TRIM67: variants seen among roughly 807,000 people sequenced by gnomAD.
TRIM67 encodes tripartite motif containing 67, also known as tripartite motif-containing protein 67.
A neutral mutation model predicts 71.0 loss-of-function variants in TRIM67; 39 were observed. The ratio of observed to expected loss-of-function variants is 0.55; its 90% CI spans 0.43 to 0.72. The LOEUF (loss-of-function observed/expected upper bound fraction) is 0.72. Among genes scored for constraint, TRIM67 ranks in the 30% least tolerant of loss-of-function variants. The pLI, the probability that TRIM67 is intolerant of heterozygous loss-of-function variation, is 0.00. For synonymous variants in TRIM67, 481 were observed against 473.9 expected, an observed-to-expected ratio of 1.01 and a Z score of -0.19; for missense variants, 973 against 1,079.2, an observed-to-expected ratio of 0.90 and a Z score of 1.38.
In TRIM67 at chr1:231,216,843, C is replaced by T; in HGVS notation, c.*1403C>T. 1.0e-6 allele frequency: 1 copy of T among 985,138 alleles called. No homozygotes were observed. Among genetic ancestry groups the T allele is most frequent in the African/African-American group, 1.7e-5 (1 of 57,354 alleles). 61.0% of individuals were successfully genotyped at this position (985,138 alleles called of 1,614,324 possible). ...TGCCAGGCTCTTGTTCCCAGGGAAC[C>T]CTTCCTCTCCTCCCTCCTCTCATCT... On this transcript the variant is annotated 3_prime_UTR_variant, in exon 10 of 10. Coordinates refer to ENST00000366653, the MANE Select transcript of TRIM67 (RefSeq NM_001004342.5).
At position 231,162,496 on chromosome 1, in the gene TRIM67, C is replaced by T. The variant is rs535056443; in HGVS notation, c.-474C>T. 1.7e-3 allele frequency: 274 copies of T among 164,970 alleles called. 3 individuals carry two copies. The highest frequency in any genetic ancestry group is 2.3e-3 in the Non-Finnish European group (180 of 76,844). 10.2% of individuals were successfully genotyped at this position (164,970 alleles called of 1,614,324 possible). A position where few individuals can be genotyped will look rare whatever the true frequency, so the allele number is the denominator to read the frequency against. On this transcript the variant is annotated 5_prime_UTR_variant, in exon 1 of 10. Coordinates refer to ENST00000366653, the MANE Select transcript of TRIM67 (RefSeq NM_001004342.5). ...ACCTGCCTGTCTCACCTCGCTATCACCCCGATAAGGAGTTGGGCCGGGGCA... is the reference window on the plus strand; with the variant it reads ...ACCTGCCTGTCTCACCTCGCTATCATCCCGATAAGGAGTTGGGCCGGGGCA...
At chr1:231,195,669 A>G (rs576177468) in intron 1 of TRIM67, among the ~76,000 whole-genome samples, 89 of 152,096 alleles carry the variant, frequency 5.9e-4, no homozygotes, top group African/African-American at 2.0e-3. Flanking sequence ...CCTTCCTTGT[A>G]TTTCCACCTA....
In TRIM67 at chr1:231,162,669, C is replaced by T. The variant is rs1032136793; in HGVS notation, c.-301C>T. The T allele has an allele frequency of 2.7e-5, 11 of 404,144 alleles. No individual in the cohort carries two copies. The highest frequency in any genetic ancestry group is 2.4e-4 in the African/African-American group (11 of 46,640). 25.0% of individuals were successfully genotyped at this position (404,144 alleles called of 1,614,324 possible). A position where few individuals can be genotyped will look rare whatever the true frequency, so the allele number is the denominator to read the frequency against. The stretch of plus-strand genomic sequence containing the variant: ...TGCTGATTCATCACCTAAAGCTCCT[C>T]GCAGGCCACCGCGAGGGCAGCCGAC... On this transcript the variant is annotated 5_prime_UTR_variant, in exon 1 of 10. Coordinates refer to ENST00000366653, the MANE Select transcript of TRIM67 (RefSeq NM_001004342.5).
In TRIM67 at chr1:231,183,375, G is replaced by T. The variant is rs547741061; in HGVS notation, c.1045-13996G>T. On this transcript the variant is annotated intron_variant, in intron 1 of 9. Coordinates refer to ENST00000366653, the MANE Select transcript of TRIM67 (RefSeq NM_001004342.5). Reference sequence around the variant, plus strand: ...GTGCTTTGGGAGGTTGAGGCAAGAGGATCACTTGAGGCCAGGAATTTGAGA... The same window carrying T: ...GTGCTTTGGGAGGTTGAGGCAAGAGTATCACTTGAGGCCAGGAATTTGAGA... Among the ~76,000 whole-genome samples the T allele has an allele frequency of 3.3e-5, 5 of 152,226 alleles. No individual in the cohort carries two copies. The South Asian group carries it at 1.0e-3, about 32-fold the overall frequency.
intron 3 of TRIM67, 54 bp downstream of exon 3, chr1:231,199,223 G>C (rs916657511): frequency 1.3e-6 from 2 of 1,569,624 alleles, no homozygotes; most frequent in African/African-American, 2.7e-5. Flanking sequence ...TCTGCACCCA[G>C]CGTGGGGTGG....
intron 1 of TRIM67, chr1:231,184,992 G>T (rs1409014572): frequency 1.3e-6 from 2 of 1,530,400 alleles, no homozygotes; most frequent in East Asian, 4.9e-5. Flanking sequence ...TCCTGAATGG[G>T]TGGCCGGCAG....
In TRIM67 at chr1:231,219,736, T is replaced by C. The variant is rs1684097245; in HGVS notation, c.*4296T>C. 7.5e-6 allele frequency: 9 copies of C among 1,196,206 alleles called. No homozygotes were observed. The highest frequency in any genetic ancestry group is 7.4e-6 in the Non-Finnish European group (7 of 946,556). The allele number at this position is 1,196,206 out of a possible 1,614,324, so 74.1% of individuals were successfully genotyped here. On this transcript the variant is annotated 3_prime_UTR_variant, in exon 10 of 10. Coordinates refer to ENST00000366653, the MANE Select transcript of TRIM67 (RefSeq NM_001004342.5). ...ATCTAACAGATCTTATTGGCAAATA[T>C]TCAAGATGGTGATGCTGGAAAATTT...
chr1:231,186,275 C>T (rs1438884096), intron 1 of TRIM67: 4 of 1,004,118 alleles, frequency 4.0e-6, no homozygotes, highest in Admixed American at 2.1e-5. Flanking sequence ...AGGAGGAGCA[C>T]ATCTCTAGTT....
At chr1:231,185,749 C>T (rs568650526) in intron 1 of TRIM67, among the ~76,000 whole-genome samples, 46 of 151,944 alleles carry the variant, frequency 3.0e-4, no homozygotes, top group South Asian at 1.2e-3. Context: ...GTGAGGGACA[C>T]GGTCAAGTAG....
Position 231,163,842 on chromosome 1 carries a change from G to A in TRIM67, c.873G>A (p.Ala291=), listed in dbSNP as rs1460438080. ...CKSPGGAGAG[A]TGGSTARKFP... ...GCCCGGGAGGCGCGGGGGCGGGGGCGACTGGGGGCAGCACGGCCCGCAAGT... is the reference window on the plus strand; with the variant it reads ...GCCCGGGAGGCGCGGGGGCGGGGGCAACTGGGGGCAGCACGGCCCGCAAGT... The change falls in exon 1 of 10, where the codon GCG becomes GCA. Residue 291 remains alanine, a synonymous_variant. Coordinates refer to ENST00000366653, the MANE Select transcript of TRIM67 (RefSeq NM_001004342.5). 12 of 1,537,068 alleles carry A rather than the reference G, an allele frequency of 7.8e-6. No individual in the cohort carries two copies. In the East Asian group the frequency reaches 3.0e-4, roughly 39 times the overall value.
chr1:231,219,777 G>C lies in TRIM67; in HGVS notation c.*4337G>C. On this transcript the variant is annotated 3_prime_UTR_variant, in exon 10 of 10. Transcript: ENST00000366653. Reference sequence around the variant, plus strand: ...TGGAAAATTTCAGGACTTTTCTTTTGCAAGTGAGCCGGTAGCTGTGTTTGT... The same window carrying C: ...TGGAAAATTTCAGGACTTTTCTTTTCCAAGTGAGCCGGTAGCTGTGTTTGT... 8.2e-7 allele frequency: 1 copy of C among 1,214,000 alleles called. No individual in the cohort carries two copies. The highest frequency in any genetic ancestry group is 1.6e-5 in the African/African-American group (1 of 63,000). The allele number at this position is 1,214,000 out of a possible 1,614,324, so 75.2% of individuals were successfully genotyped here. A position where few individuals can be genotyped will look rare whatever the true frequency, so the allele number is the denominator to read the frequency against.
rs145676486 is a variant in TRIM67 at position 231,197,700 on chromosome 1, C to A, written c.1140+234C>A. On this transcript the variant is annotated intron_variant, in intron 2 of 9. Coordinates refer to ENST00000366653, the MANE Select transcript of TRIM67 (RefSeq NM_001004342.5). ...ATTAGCCGGGCGTGGTGGCGCATGC[C>A]TGTAATCCCAGCTACTCTGGAGTCT... Among the ~76,000 whole-genome samples, 1,116 of 152,338 alleles carry A rather than the reference C, an allele frequency of 7.3e-3. 14 individuals carry two copies. The highest frequency in any genetic ancestry group is 0.017 in the Middle Eastern group (5 of 294).
intron 6 of TRIM67, among the ~76,000 whole-genome samples, chr1:231,205,497 G>A (rs534353112): frequency 5.9e-5 from 9 of 152,042 alleles, no homozygotes; most frequent in South Asian, 2.1e-4. Flanking sequence ...AGGCCAAGGC[G>A]GATGGATCAC....
intron 1 of TRIM67, among the ~76,000 whole-genome samples, chr1:231,182,039 G>T (rs1292566605): frequency 6.6e-6 from 1 of 152,204 alleles, no homozygotes; most frequent in East Asian, 1.9e-4. Context: ...CCTTGCTCTA[G>T]TAGGTTACCC....
chr1:231,203,821 C>A, intron 5 of TRIM67, 46 bp from the exon 6 acceptor site: 1 of 1,585,552 alleles, frequency 6.3e-7, no homozygotes, highest in East Asian at 2.3e-5. Flanking sequence ...CGGGCTGGGG[C>A]CCTCGGAGGG....
intron 1 of TRIM67, among the ~76,000 whole-genome samples, chr1:231,190,513 AC>A (rs1246937081): frequency 6.6e-6 from 1 of 151,222 alleles, no homozygotes; most frequent in African/African-American, 2.4e-5. Flanking sequence ...TCTACCAATG[AC>A]CCCTTCTGTT....
intron 1 of TRIM67, among the ~76,000 whole-genome samples, chr1:231,187,345 G>A (rs1175410055): frequency 6.6e-6 from 1 of 151,956 alleles, no homozygotes; most frequent in Non-Finnish European, 1.5e-5. Context: ...TCCCTCAGGT[G>A]GTGCTTAGAA....
chr1:231,203,862 C>T lies in TRIM67; in HGVS notation c.1535-5C>T, dbSNP rs373921204. 59 of 1,612,420 alleles carry T rather than the reference C, an allele frequency of 3.7e-5. No homozygotes were observed. In the African/African-American group the frequency reaches 4.8e-4, roughly 13 times the overall value. On this transcript the variant is annotated splice_region_variant and splice_polypyrimidine_tract_variant and intron_variant, in intron 5 of 9. Coordinates refer to ENST00000366653, the MANE Select transcript of TRIM67 (RefSeq NM_001004342.5). Reference sequence around the variant, plus strand: ...TGCGCTAACTCATGTGTGTCCCCCTCGCAGTGCCACCCGTCCCCCTACTGC... The same window carrying T: ...TGCGCTAACTCATGTGTGTCCCCCTTGCAGTGCCACCCGTCCCCCTACTGC...
intron 1 of TRIM67, among the ~76,000 whole-genome samples, chr1:231,186,615 C>A (rs543224163): frequency 6.6e-6 from 1 of 152,266 alleles, no homozygotes; most frequent in South Asian, 2.1e-4. Context: ...CCAAATCTCC[C>A]CTCTTCATAA....
Sources: gnomAD v4.1 joint callset for allele counts (sites outside exome capture counted in the v4.1 genomes callset) on GRCh38, gnomAD v4.1.1 for gene constraint, MANE v1.5 for transcripts, NCBI Gene and HGNC (gene_info 2026-07-23, HGNC 2026-07-21) for gene names.